TDRD9: variants seen among roughly 807,000 people sequenced by gnomAD.
TDRD9 encodes the protein ATP-dependent RNA helicase TDRD9.
A neutral mutation model predicts 172.6 loss-of-function variants in TDRD9; 124 were observed. The observed-to-expected ratio is 0.72, with a 90% CI of 0.62 to 0.83. The LOEUF is 0.83. Ranked by LOEUF, TDRD9 falls within the 40% of genes least tolerant of loss-of-function variation. TDRD9 has a pLI of 0.00. For synonymous variants in TDRD9, 619 were observed against 617.1 expected (o/e 1.00, Z -0.05); for missense variants, 1,479 against 1,714.1 (o/e 0.86, Z 2.42).
chr14:103,938,414 G>GTATATA (rs1231280146), intron 1 of TDRD9, among the ~76,000 whole-genome samples: 2 of 97,512 alleles, frequency 2.1e-5, no homozygotes, highest in African/African-American at 9.2e-5. Context: ...GTGTGTGTGT[G>GTATATA]TATATATATA....
chr14:103,965,438 C>T lies in TDRD9; in HGVS notation c.526C>T (p.Arg176Cys), dbSNP rs1467738407. The T allele has an allele frequency of 1.3e-5, 20 of 1,551,428 alleles. No individual in the cohort carries two copies. Among genetic ancestry groups the T allele is most frequent in the African/African-American group, 2.7e-5 (2 of 72,988 alleles). ...PQYILDHYVQ[R>C]SAYCSIVVTQ... ...GTATATCTTGGACCACTACGTTCAG[C>T]GCTCCGCCTACTGCAGCATTGTGGT... The change falls in exon 4 of 36, where the codon CGC becomes TGC. Residue 176 changes from arginine (R) to cysteine (C), a missense_variant. Arg to Cys is a radical substitution (Grantham distance 180). Transcript: ENST00000409874.
chr14:103,992,752 T>C (rs1444260746), intron 9 of TDRD9, among the ~76,000 whole-genome samples: 1 of 151,782 alleles, frequency 6.6e-6, no homozygotes, highest in Non-Finnish European at 1.5e-5. Flanking sequence ...TGAAACCTCA[T>C]CTTTACTGAA....
chr14:103,975,315 G>C, intron 6 of TDRD9, 74 bp from the exon 7 acceptor site: 1 of 1,419,664 alleles, frequency 7.0e-7, no homozygotes, highest in Non-Finnish European at 9.6e-7. Context: ...CAGAAGAAAA[G>C]CCTGCAGTTT....
intron 9 of TDRD9, among the ~76,000 whole-genome samples, chr14:103,991,643 C>A (rs191357578): frequency 1.3e-5 from 2 of 152,242 alleles, no homozygotes; most frequent in African/African-American, 4.8e-5. Context: ...GATCTCTTGA[C>A]CTTGTGATCT....
intron 32 of TDRD9, among the ~76,000 whole-genome samples, chr14:104,039,189 G>A (rs1443783024): frequency 2.0e-5 from 3 of 152,178 alleles, no homozygotes; most frequent in Non-Finnish European, 4.4e-5. Flanking sequence ...ACGAAACCAT[G>A]AGATTTCATG....
At chr14:104,021,111 G>T (rs1384636589) in intron 23 of TDRD9, among the ~76,000 whole-genome samples, 1 of 152,158 alleles carries the variant, frequency 6.6e-6, no homozygotes, top group Non-Finnish European at 1.5e-5. Context: ...GGAGGCCTCA[G>T]GAAACTTACA....
Position 104,034,057 on chromosome 14 carries a change from A to G in TDRD9, c.3607A>G (p.Ile1203Val), listed in dbSNP as rs770483448. ...AATGCTGGTTGCAGCTTCCCTTTCC[A>G]TCAATGCGACTGGTAATTTAAAGAT... ...QRMLVAASLS[I>V]NATGSTMLLR... The change falls in exon 31 of 36, where the codon ATC (isoleucine) becomes GTC (valine). Residue 1203 changes from isoleucine (I) to valine (V), a missense_variant. Coordinates refer to ENST00000409874, the MANE Select transcript of TDRD9 (RefSeq NM_153046.3). 1.3e-5 allele frequency: 20 copies of G among 1,548,296 alleles called. No homozygotes were observed. In the Middle Eastern group the frequency reaches 8.3e-4, roughly 64 times the overall value.
intron 1 of TDRD9, among the ~76,000 whole-genome samples, chr14:103,936,468 C>T (rs1003484692): frequency 2.0e-5 from 3 of 152,170 alleles, no homozygotes; most frequent in African/African-American, 7.2e-5. Flanking sequence ...CTTCCTCATG[C>T]AGTCCTGTCT....
At chr14:103,950,046 T>C (rs1241562698) in intron 1 of TDRD9, among the ~76,000 whole-genome samples, 1 of 1,706 alleles carries the variant, frequency 5.9e-4, no homozygotes, top group African/African-American at 6.6e-4. Flanking sequence ...CTTCCTTCCC[T>C]TTTTTTTTTT....
chr14:103,970,440 A>G, intron 5 of TDRD9, 101 bp from the exon 6 acceptor site: 1 of 782,118 alleles, frequency 1.3e-6, no homozygotes, highest in Non-Finnish European at 2.2e-6. Context: ...TAGCAGAGAG[A>G]ACTGGTTTAG....
intron 12 of TDRD9, 54 bp from the exon 13 acceptor site, chr14:103,998,570 A>T (rs887274196): frequency 1.1e-6 from 1 of 948,362 alleles, no homozygotes; most frequent in Non-Finnish European, 1.7e-6. Flanking sequence ...GTGATTTATT[A>T]TGCAATGATC....
chr14:103,941,687 A>C (rs1217084029), intron 1 of TDRD9: 1 of 1,513,416 alleles, frequency 6.6e-7, no homozygotes. Flanking sequence ...TCCAGCCAAA[A>C]AGTGGCATTT....
rs369710824 is a variant in TDRD9 at position 104,007,262 on chromosome 14, C to G, written c.2052+58C>G. The stretch of plus-strand genomic sequence containing the variant: ...GGCTGGGAGTAATGAGAGAAGGACT[C>G]TGTCTTGGTACAGTCATAGCGTGTG... On this transcript the variant is annotated intron_variant, in intron 19 of 35. Transcript: ENST00000409874. The G allele has an allele frequency of 1.2e-4, 183 of 1,530,932 alleles. 1 individual carries two copies. Among genetic ancestry groups the G allele is most frequent in the Admixed American group, 5.7e-4 (33 of 57,518 alleles). 94.8% of individuals were successfully genotyped at this position (1,530,932 alleles called of 1,614,324 possible).
intron 13 of TDRD9, among the ~76,000 whole-genome samples, chr14:104,000,122 T>G (rs2034210712): frequency 6.6e-6 from 1 of 150,502 alleles, no homozygotes; most frequent in Non-Finnish European, 1.5e-5. Flanking sequence ...AGCTTAGGAG[T>G]TCGAGACCGG....
chr14:104,047,561 TA>T (rs1163392321), intron 34 of TDRD9, among the ~76,000 whole-genome samples: 5 of 152,350 alleles, frequency 3.3e-5, no homozygotes, highest in African/African-American at 1.2e-4. Flanking sequence ...TTTTTTCAAA[TA>T]TTTTTTTCTG....
intron 31 of TDRD9, 58 bp downstream of exon 31, chr14:104,034,127 G>A: frequency 1.9e-6 from 2 of 1,034,952 alleles, no homozygotes; most frequent in South Asian, 2.7e-5. Context: ...CTTGACTTCA[G>A]CTACTAGGAA....
intron 8 of TDRD9, among the ~76,000 whole-genome samples, chr14:103,988,419 G>A (rs1372740118): frequency 3.9e-5 from 6 of 152,082 alleles, no homozygotes; most frequent in Non-Finnish European, 7.4e-5. Flanking sequence ...TGATGCGCCC[G>A]CCTCGGCCTC....
chr14:103,984,071 T>C (rs1244622136), intron 7 of TDRD9, among the ~76,000 whole-genome samples: 1 of 152,132 alleles, frequency 6.6e-6, no homozygotes, highest in Non-Finnish European at 1.5e-5. Flanking sequence ...GTGGAAGAAA[T>C]TTCTAAGCAG....
intron 13 of TDRD9, among the ~76,000 whole-genome samples, chr14:104,002,943 A>T (rs1178314162): frequency 6.6e-6 from 1 of 151,780 alleles, no homozygotes; most frequent in East Asian, 1.9e-4. Flanking sequence ...GTTGGCCAGG[A>T]TGGTCTCCAT....
Sources: gnomAD v4.1 joint callset for allele counts (sites outside exome capture counted in the v4.1 genomes callset) on GRCh38, gnomAD v4.1.1 for gene constraint, MANE v1.5 for transcripts, NCBI Gene and HGNC (gene_info 2026-07-23, HGNC 2026-07-21) for gene names.